The following NHSL3 variants were observed in gnomAD, a reference collection of about 807,000 sequenced individuals.
The protein encoded by NHSL3 is NHS like 3, also known as NHS-like protein 3.
the NHSL3 span, among the ~76,000 whole-genome samples, chr1:32,757,066 G>A: frequency 3.9e-5 from 6 of 152,172 alleles, no homozygotes; most frequent in South Asian, 2.1e-4. Flanking sequence ...TGTAAACCTC[G>A]GTACCTTTGG....
the NHSL3 span, chr1:32,770,949 TCCCACCC>T: frequency 1.9e-6 from 3 of 1,563,230 alleles, no homozygotes; most frequent in Non-Finnish European, 2.6e-6. The surrounding 1 kb of genome is among the most constrained non-coding windows in gnomAD (Gnocchi z 8.3). Context: ...AAAGTGGTAC[TCCCACCC>T]TCCCTCCCAA....
the NHSL3 span, chr1:32,768,111 T>A: frequency 1.2e-6 from 2 of 1,603,444 alleles, no homozygotes; most frequent in African/African-American, 2.7e-5. Flanking sequence ...ACACCCAGAG[T>A]ATCCAGGTGA....
At chr1:32,764,562 G>A in the NHSL3 span, among the ~76,000 whole-genome samples, 1 of 150,938 alleles carries the variant, frequency 6.6e-6, no homozygotes, top group African/African-American at 2.4e-5. Flanking sequence ...TCGGCTCCCA[G>A]GTTCAAGAGA....
the NHSL3 span, chr1:32,771,946 G>C: frequency 6.2e-7 from 1 of 1,604,600 alleles, no homozygotes; most frequent in East Asian, 2.2e-5. Flanking sequence ...GGCCAGCCCA[G>C]TGCCTGCCCC....
the NHSL3 span, among the ~76,000 whole-genome samples, chr1:32,762,337 G>A: frequency 6.6e-6 from 1 of 152,126 alleles, no homozygotes; most frequent in African/African-American, 2.4e-5. Context: ...GGTGTCCTTA[G>A]GCACGGCTGG....
the NHSL3 span, among the ~76,000 whole-genome samples, chr1:32,768,474 A>G: frequency 2.6e-5 from 4 of 152,138 alleles, no homozygotes; most frequent in Admixed American, 6.5e-5. Flanking sequence ...GGGTACCTAT[A>G]ATCCCAGCTG....
chr1:32,752,950 CATAT>C, the NHSL3 span, among the ~76,000 whole-genome samples: 173 of 42,732 alleles, frequency 4.0e-3, 1 homozygote, highest in African/African-American at 0.021. Flanking sequence ...CACACACACA[CATAT>C]ATATATATAT....
At chr1:32,757,896 C>T in the NHSL3 span, among the ~76,000 whole-genome samples, 479 of 152,250 alleles carry the variant, frequency 3.1e-3, 3 homozygotes, top group African/African-American at 0.011. Flanking sequence ...CCTGCGGCCC[C>T]GGCCCCGGGG....
chr1:32,756,836 G>T, the NHSL3 span, among the ~76,000 whole-genome samples: 1 of 152,074 alleles, frequency 6.6e-6, no homozygotes, highest in Admixed American at 6.6e-5. Context: ...AGGCGTGGTG[G>T]TGGGCACCTG....
the NHSL3 span, among the ~76,000 whole-genome samples, chr1:32,757,895 C>T: frequency 6.6e-6 from 1 of 152,146 alleles, no homozygotes; most frequent in African/African-American, 2.4e-5. Flanking sequence ...GCCTGCGGCC[C>T]CGGCCCCGGG....
the NHSL3 span, among the ~76,000 whole-genome samples, chr1:32,752,948 CACATATATATATA>C: frequency 6.2e-5 from 2 of 32,208 alleles, 1 homozygote. Flanking sequence ...CACACACACA[CACATATATATATA>C]TATATATTTT....
chr1:32,754,894 C>A, the NHSL3 span, among the ~76,000 whole-genome samples: 4 of 151,992 alleles, frequency 2.6e-5, no homozygotes, highest in East Asian at 1.9e-4. Flanking sequence ...TCCCTACCCC[C>A]ACCCGCGCCA....
At chr1:32,742,919 A>G in the NHSL3 span, among the ~76,000 whole-genome samples, 1 of 152,202 alleles carries the variant, frequency 6.6e-6, no homozygotes, top group African/African-American at 2.4e-5. Flanking sequence ...GAGAGGCTGT[A>G]CCTGGGCTGG....
At chr1:32,772,918 C>T in the NHSL3 span, 21 of 1,611,670 alleles carry the variant, frequency 1.3e-5, no homozygotes, top group East Asian at 2.2e-5. Context: ...ACTGCTGACC[C>T]ATCCCAGAAA....
the NHSL3 span, chr1:32,741,914 G>C: frequency 5.5e-6 from 2 of 366,588 alleles, no homozygotes; most frequent in Non-Finnish European, 7.6e-6. This position sits in a 1 kb window ranked among gnomAD's most constrained non-coding sequence, Gnocchi z 4.3. Flanking sequence ...GCACCGCGCC[G>C]CAGGGGGCCT....
chr1:32,770,287 GGCCGCTGCAGCCTGCGCACACTAA>G, the NHSL3 span: 23 of 1,608,900 alleles, frequency 1.4e-5, no homozygotes, highest in East Asian at 4.5e-5. This position sits in a 1 kb window ranked among gnomAD's most constrained non-coding sequence, Gnocchi z 8.3. Context: ...GGTGGCCCTA[GGCCGCTGCAGCCTGCGCACACTAA>G]GCCGCTGCAG....
the NHSL3 span, among the ~76,000 whole-genome samples, chr1:32,756,482 C>A: frequency 2.6e-5 from 3 of 115,352 alleles, 1 homozygote; most frequent in Non-Finnish European, 5.8e-5. Context: ...CCCCCCCCCC[C>A]GCCCATTTCT....
chr1:32,756,077 C>G, the NHSL3 span, among the ~76,000 whole-genome samples: 2 of 152,140 alleles, frequency 1.3e-5, no homozygotes, highest in African/African-American at 2.4e-5. Context: ...CTTCCAGTTC[C>G]TGCTGCAACT....
the NHSL3 span, chr1:32,770,853 G>C: frequency 6.2e-7 from 1 of 1,608,144 alleles, no homozygotes; most frequent in Non-Finnish European, 8.5e-7. This position sits in a 1 kb window ranked among gnomAD's most constrained non-coding sequence, Gnocchi z 8.3. Context: ...CCAACAGCTG[G>C]GTACCTGGCT....
Sources: allele counts gnomAD v4.1 joint callset (sites outside exome capture counted in the v4.1 genomes callset), GRCh38; gene constraint gnomAD v4.1.1; non-coding constraint Gnocchi (gnomAD v3.1); transcripts MANE v1.5; gene names NCBI Gene and HGNC (gene_info 2026-07-23, HGNC 2026-07-21).